ACOT7: variants seen among roughly 807,000 people sequenced by gnomAD.
ACOT7 encodes the protein acyl-CoA thioesterase 7.
ACOT7 carries 12 observed loss-of-function variants against 40.2 expected under a neutral mutation model. The observed-to-expected ratio is 0.30, with a 90% CI of 0.19 to 0.48. The LOEUF (loss-of-function observed/expected upper bound fraction) is 0.48. ACOT7 is among the 20% of genes least tolerant of loss of function. The probability of loss-of-function intolerance (pLI) is 0.99; values close to 1 mark genes in which losing one functional copy is unlikely to be tolerated. For synonymous variants in ACOT7, 228 were observed against 219.5 expected (o/e 1.04, Z -0.34); for missense variants, 395 against 530.8 (o/e 0.74, Z 2.51).
chr1:6,281,117 A>C lies in ACOT7; in HGVS notation c.999T>G (p.Pro333=), dbSNP rs764582700. 1 of 1,613,684 alleles carries C rather than the reference A, an allele frequency of 6.2e-7. No individual in the cohort carries two copies. Among genetic ancestry groups the C allele is most frequent in the South Asian group, 1.1e-5 (1 of 91,082 alleles). ...GCGCACTCACCACCAGCTGGGGCAC[A>C]GGCAGCGACCTGCCTTCCTGGCTCA... is the stretch of plus-strand genomic sequence containing the variant. ...VSLSQEGRSL[P]VPQLVPETED... The change falls in exon 8 of 9, where the codon CCT becomes CCG. Residue 333 remains proline (P), a synonymous_variant. Transcript: ENST00000361521.
intron 2 of ACOT7, among the ~76,000 whole-genome samples, chr1:6,349,488 C>G (rs373974297): frequency 6.6e-6 from 1 of 152,314 alleles, no homozygotes; most frequent in South Asian, 2.1e-4. Flanking sequence ...CTCGGCATGG[C>G]GGGGAGTGGT....
chr1:6,315,700 G>A (rs998113393), intron 6 of ACOT7, among the ~76,000 whole-genome samples: 1 of 144,782 alleles, frequency 6.9e-6, no homozygotes, highest in East Asian at 2.1e-4. Context: ...GCAGTGAGCC[G>A]AGATCACGCC....
chr1:6,363,754 C>T (rs1201554929), intron 1 of ACOT7, among the ~76,000 whole-genome samples: 1 of 152,116 alleles, frequency 6.6e-6, no homozygotes, highest in African/African-American at 2.4e-5. Context: ...CAATAAATAA[C>T]AGCACAGCCA....
At chr1:6,325,348 A>C (rs1337227605) in intron 5 of ACOT7, among the ~76,000 whole-genome samples, 1 of 151,854 alleles carries the variant, frequency 6.6e-6, no homozygotes, top group South Asian at 2.1e-4. Context: ...CAGTGAGCTG[A>C]GATCGCGCCA....
chr1:6,369,549 T>C (rs1642088359), intron 1 of ACOT7, among the ~76,000 whole-genome samples: 1 of 150,910 alleles, frequency 6.6e-6, no homozygotes, highest in Non-Finnish European at 1.5e-5. Context: ...TGGGACTACA[T>C]GCACATGTTG....
At chr1:6,276,303 C>T (rs1259722654) in intron 8 of ACOT7, among the ~76,000 whole-genome samples, 4 of 152,146 alleles carry the variant, frequency 2.6e-5, no homozygotes, top group African/African-American at 4.8e-5. Context: ...TGTCTGCTGC[C>T]GCCTGCGTCC....
chr1:6,294,426 C>T lies in ACOT7; in HGVS notation c.829+438G>A, dbSNP rs1639755837. Among the ~76,000 whole-genome samples, 1 of 152,170 alleles carries T rather than the reference C, an allele frequency of 6.6e-6. No individual in the cohort carries two copies. The highest frequency in any genetic ancestry group is 1.5e-5 in the Non-Finnish European group (1 of 68,028). On this transcript the variant is annotated intron_variant, in intron 7 of 8. Coordinates refer to ENST00000361521, the MANE Select transcript of ACOT7 (RefSeq NM_007274.4). This position sits in a 1 kb window ranked among gnomAD's most constrained non-coding sequence, Gnocchi z 4.6. The stretch of plus-strand genomic sequence containing the variant: ...CCAATGCCAGTGCTGCCCTGGGTGG[C>T]GTGGGCAGGGCTGGCCGAGGAGGGG...
Position 6,288,642 on chromosome 1 carries a change from G to T in ACOT7, c.829+6222C>A, listed in dbSNP as rs111980653. ...GTGAGGGTAACAGAGGTGGCCCTCTGTGGTCTAGGCAAGTGTGGGGCATCC... is the reference window on the plus strand; with the variant it reads ...GTGAGGGTAACAGAGGTGGCCCTCTTTGGTCTAGGCAAGTGTGGGGCATCC... On this transcript the variant is annotated intron_variant, in intron 7 of 8. Coordinates refer to ENST00000361521, the MANE Select transcript of ACOT7 (RefSeq NM_007274.4). This position sits in a 1 kb window ranked among gnomAD's most constrained non-coding sequence, Gnocchi z 4.3. 1.3e-5 allele frequency among the ~76,000 whole-genome samples: 2 copies of T among 152,208 alleles called. No homozygotes were observed. Among genetic ancestry groups the T allele is most frequent in the Non-Finnish European group, 2.9e-5 (2 of 68,036 alleles).
At chr1:6,361,909 C>T (rs531557052) in intron 1 of ACOT7, among the ~76,000 whole-genome samples, 2 of 152,332 alleles carry the variant, frequency 1.3e-5, no homozygotes, top group East Asian at 1.9e-4. Flanking sequence ...GCCCTCGAAA[C>T]GCTCTTACCT....
At chr1:6,271,353 C>T (rs1639028916) in intron 8 of ACOT7, among the ~76,000 whole-genome samples, 1 of 152,182 alleles carries the variant, frequency 6.6e-6, no homozygotes, top group Non-Finnish European at 1.5e-5. Context: ...CTGAGGGACA[C>T]AGACCTTCTT....
chr1:6,265,274 C>A (rs561324684), intron 8 of ACOT7, among the ~76,000 whole-genome samples: 2 of 151,936 alleles, frequency 1.3e-5, no homozygotes, highest in East Asian at 3.9e-4. Context: ...GGAAAGCCAG[C>A]TGCACACGGT....
At chr1:6,268,214 G>A (rs1198195841) in intron 8 of ACOT7, among the ~76,000 whole-genome samples, 1 of 152,104 alleles carries the variant, frequency 6.6e-6, no homozygotes, top group Non-Finnish European at 1.5e-5. Flanking sequence ...CCTGGAAGTG[G>A]GTGAACAGAA....
At chr1:6,277,379 C>T (rs902500852) in intron 8 of ACOT7, among the ~76,000 whole-genome samples, 5 of 152,248 alleles carry the variant, frequency 3.3e-5, no homozygotes, top group Admixed American at 2.0e-4. Flanking sequence ...ATGCCCCCCA[C>T]TATCAGCTTT....
At chr1:6,385,924 C>A in intron 1 of ACOT7, 1 of 1,048,402 alleles carries the variant, frequency 9.5e-7, no homozygotes, top group Non-Finnish European at 1.3e-6. Context: ...TCGGCCTGAA[C>A]TCACAGACAG....
intron 1 of ACOT7, among the ~76,000 whole-genome samples, chr1:6,367,128 G>A (rs969891579): frequency 6.6e-6 from 1 of 151,528 alleles, no homozygotes; most frequent in Non-Finnish European, 1.5e-5. Context: ...GAACCCAGAA[G>A]GCAGAGCTTG....
intron 5 of ACOT7, among the ~76,000 whole-genome samples, 172 bp from the exon 6 acceptor site, chr1:6,318,750 G>A (rs1640562978): frequency 1.3e-5 from 2 of 152,190 alleles, no homozygotes; most frequent in South Asian, 2.1e-4. Context: ...GGCTACAGTT[G>A]GTGAAGGAGA....
rs1435776939 is a variant in ACOT7 at position 6,282,927 on chromosome 1, C to A, written c.830-1641G>T. 1.9e-6 allele frequency: 1 copy of A among 522,836 alleles called. No homozygotes were observed. Among genetic ancestry groups the A allele is most frequent in the Non-Finnish European group, 3.6e-6 (1 of 274,816 alleles). 32.4% of individuals were successfully genotyped at this position (522,836 alleles called of 1,614,324 possible). ...CAGGTCAGACCTGAGGGTCTCCCAG[C>A]ATCTCTGCCTCCTTCCTCACAATGC... On this transcript the variant is annotated intron_variant, in intron 7 of 8. Coordinates refer to ENST00000361521, the MANE Select transcript of ACOT7 (RefSeq NM_007274.4). The surrounding 1 kb of genome is among the most constrained non-coding windows in gnomAD (Gnocchi z 4.5).
intron 6 of ACOT7, among the ~76,000 whole-genome samples, chr1:6,310,359 G>T (rs144481179): frequency 6.6e-5 from 10 of 152,356 alleles, no homozygotes; most frequent in Middle Eastern, 3.4e-3. Context: ...GAACCACTCG[G>T]GGTGCGATCA....
At position 6,358,941 on chromosome 1, in the gene ACOT7, C is replaced by A; in HGVS notation, c.144-9075G>T. ...CCTGACCCAGGACTGTCCCAGCTCC[C>A]TGCCACACCGGGCTTGGTGGGGAGC... On this transcript the variant is annotated intron_variant, in intron 1 of 8. Transcript: ENST00000361521. This position sits in a 1 kb window ranked among gnomAD's most constrained non-coding sequence, Gnocchi z 4.1. 6.5e-7 allele frequency: 1 copy of A among 1,535,180 alleles called. No individual in the cohort carries two copies. Among genetic ancestry groups the A allele is most frequent in the South Asian group, 1.2e-5 (1 of 81,698 alleles).
Sources: allele counts gnomAD v4.1 joint callset (sites outside exome capture counted in the v4.1 genomes callset), GRCh38; gene constraint gnomAD v4.1.1; non-coding constraint Gnocchi (gnomAD v3.1); transcripts MANE v1.5; gene names NCBI Gene and HGNC (gene_info 2026-07-23, HGNC 2026-07-21).